The following AMDHD1 variants were observed in gnomAD, a reference collection of about 807,000 sequenced individuals.
AMDHD1 encodes the protein amidohydrolase domain containing 1, also known as probable imidazolonepropionase.
A neutral mutation model predicts 44.1 loss-of-function variants in AMDHD1; 45 were observed. The observed-to-expected ratio is 1.02, with a 90% confidence interval of 0.80 to 1.31. The LOEUF is 1.31. AMDHD1 is among the 50% of genes most tolerant of loss of function. The pLI, the probability that AMDHD1 is intolerant of heterozygous loss-of-function variation, is 0.00. For missense variants in AMDHD1, 586 were observed against 552.1 expected (o/e 1.06, Z -0.61); for synonymous variants, 206 against 205.0 (o/e 1.00, Z -0.04).
In AMDHD1 at chr12:95,956,915, GGACATCGGCATCTC is replaced by G; in HGVS notation, c.542_555del (p.Asp181GlyfsTer11). The G allele has an allele frequency of 1.2e-6, 2 of 1,612,972 alleles. No homozygotes were observed. The highest frequency in any genetic ancestry group is 8.5e-7 in the Non-Finnish European group (1 of 1,179,958). On this transcript the variant is annotated frameshift_variant, in exon 4 of 9. Transcript: ENST00000266736. LOFTEE classifies it high-confidence loss of function. Reference sequence around the variant, plus strand: ...TGATTGAGCGCGCCCGGCGGGAGCTGGACATCGGCATCTCGGCTACCTACTGCGGGGCTCATTCA... The same window carrying G: ...TGATTGAGCGCGCCCGGCGGGAGCTGGGCTACCTACTGCGGGGCTCATTCA...
chr12:95,955,101 C>A, intron 3 of AMDHD1, 126 bp downstream of exon 3: 1 of 927,138 alleles, frequency 1.1e-6, no homozygotes, highest in Non-Finnish European at 1.7e-6. Flanking sequence ...TTTTTACTTG[C>A]TTGGGTATGG....
intron 5 of AMDHD1, among the ~76,000 whole-genome samples, chr12:95,960,905 A>G (rs2080578074): frequency 1.3e-5 from 2 of 152,160 alleles, no homozygotes; most frequent in Admixed American, 6.5e-5. Context: ...TAATCCCAGC[A>G]CTTTGGGAGG....
chr12:95,966,308 T>C, intron 7 of AMDHD1, 40 bp from the exon 8 acceptor site: 2 of 1,608,690 alleles, frequency 1.2e-6, no homozygotes, highest in South Asian at 2.2e-5. Context: ...GCAGTTGCCA[T>C]ATGTCACTTT....
chr12:95,960,251 G>T lies in AMDHD1; in HGVS notation c.588-147G>T, dbSNP rs1031332895. The stretch of plus-strand genomic sequence containing the variant: ...ATGGCCCAATAGTTAAGAGCCCATA[G>T]TTGTAGCTTTGAGTCTTTCTCTACC... On this transcript the variant is annotated intron_variant, in intron 4 of 8. Coordinates refer to ENST00000266736, the MANE Select transcript of AMDHD1 (RefSeq NM_152435.3). The T allele has an allele frequency of 1.0e-4, 70 of 681,522 alleles. No individual in the cohort carries two copies. The African/African-American group carries it at 1.2e-3, about 12-fold the overall frequency. 42.2% of individuals were successfully genotyped at this position (681,522 alleles called of 1,614,324 possible). A position where few individuals can be genotyped will look rare whatever the true frequency, so the allele number is the denominator to read the frequency against.
chr12:95,967,801 T>C lies in AMDHD1; in HGVS notation c.1239T>C (p.Ile413=), dbSNP rs764416386. 1.4e-5 allele frequency: 22 copies of C among 1,601,108 alleles called. No homozygotes were observed. Among genetic ancestry groups the C allele is most frequent in the Non-Finnish European group, 1.9e-5 (22 of 1,175,336 alleles). The part of the protein sequence containing the change: ...IYQFGGHHEL[I]EYVIAKGKLI... ...AGTTCGGAGGCCATCATGAATTAATTGAATATGTTATAGCTAAAGGAAAAC... is the reference window on the plus strand; with the variant it reads ...AGTTCGGAGGCCATCATGAATTAATCGAATATGTTATAGCTAAAGGAAAAC... The change falls in exon 9 of 9, where the codon ATT becomes ATC. Residue 413 remains isoleucine, a synonymous_variant. Transcript: ENST00000266736.
At chr12:95,965,588 A>G in intron 6 of AMDHD1, 98 bp from the exon 7 acceptor site, 1 of 657,668 alleles carries the variant, frequency 1.5e-6, no homozygotes, top group Non-Finnish European at 2.6e-6. Context: ...CTTCCAGAAT[A>G]TGAAGGCGTT....
At chr12:95,945,305 A>G (rs2080490311) in intron 1 of AMDHD1, among the ~76,000 whole-genome samples, 1 of 152,218 alleles carries the variant, frequency 6.6e-6, no homozygotes. Flanking sequence ...AGTCTGCTAC[A>G]TTGTTCTCAC....
chr12:95,952,765 G>T lies in AMDHD1; in HGVS notation c.186G>T (p.Gln62His), dbSNP rs146760246. The part of the protein sequence containing the change: ...AIGPADVIQR[Q>H]FSGETFEEII... ...GTCCTGCTGATGTTATTCAAAGACA[G>T]TTTTCTGGAGAAACTTTTGAAGAAA... is the stretch of plus-strand genomic sequence containing the variant. Residue 62 changes from glutamine to histidine, a missense_variant, in exon 2 of 9, where the codon CAG becomes CAT. Coordinates refer to ENST00000266736, the MANE Select transcript of AMDHD1 (RefSeq NM_152435.3). The T allele has an allele frequency of 4.2e-5, 68 of 1,613,126 alleles. 1 individual carries two copies. The African/African-American group carries it at 7.9e-4, about 19-fold the overall frequency.
intron 2 of AMDHD1, among the ~76,000 whole-genome samples, chr12:95,953,229 C>A (rs1205287471): frequency 6.6e-6 from 1 of 152,176 alleles, no homozygotes; most frequent in Admixed American, 6.5e-5. Context: ...TTTATTAATC[C>A]ATGGCATAGG....
In AMDHD1 at chr12:95,966,507, C is replaced by T. The variant is rs151279149; in HGVS notation, c.1192C>T (p.Arg398Ter). ...QGDLIIINSS[R>*]WEHLIYQFGG... ...AGATCTCATTATCATCAATTCATCCCGGTGAGTGTGCTTCAACTTAGCTCT... is the reference window on the plus strand; with the variant it reads ...AGATCTCATTATCATCAATTCATCCTGGTGAGTGTGCTTCAACTTAGCTCT... The change falls in exon 8 of 9, where the codon CGA (arginine) becomes TGA (stop). Residue 398 changes from arginine to a stop codon, truncating the protein, a stop_gained and splice_region_variant. Transcript: ENST00000266736. LOFTEE classifies it high-confidence loss of function. The T allele has an allele frequency of 4.2e-5, 67 of 1,614,054 alleles. No homozygotes were observed. Among genetic ancestry groups the T allele is most frequent in the Admixed American group, 6.7e-5 (4 of 60,008 alleles).
chr12:95,965,469 T>C (rs2080605400), intron 6 of AMDHD1, among the ~76,000 whole-genome samples: 1 of 152,250 alleles, frequency 6.6e-6, no homozygotes, highest in South Asian at 2.1e-4. Flanking sequence ...ATTAATTAAA[T>C]GTTAGTCATA....
At chr12:95,957,075 G>A in intron 4 of AMDHD1, 113 bp downstream of exon 4, 1 of 1,441,244 alleles carries the variant, frequency 6.9e-7, no homozygotes. Context: ...GAAGTCTTTG[G>A]AAAGACCTGA....
intron 1 of AMDHD1, among the ~76,000 whole-genome samples, chr12:95,947,685 G>A (rs1367675584): frequency 6.6e-5 from 4 of 60,408 alleles, no homozygotes; most frequent in African/African-American, 2.0e-4. Flanking sequence ...GCCTCTGCCC[G>A]GCCAGCCACC....
chr12:95,960,607 C>T lies in AMDHD1; in HGVS notation c.797C>T (p.Pro266Leu), dbSNP rs565909257. 6.2e-6 allele frequency: 10 copies of T among 1,614,060 alleles called. No homozygotes were observed. Among genetic ancestry groups the T allele is most frequent in the East Asian group, 4.5e-5 (2 of 44,886 alleles). Residue 266 changes from proline (P) to leucine (L), a missense_variant, in exon 5 of 9, where the codon CCG becomes CTG. Physicochemically the swap from Pro to Leu is moderately conservative, Grantham distance 98 (BLOSUM62 -3). Coordinates refer to ENST00000266736, the MANE Select transcript of AMDHD1 (RefSeq NM_152435.3). The stretch of plus-strand genomic sequence containing the variant: ...AACTTCCATGGGGATGAACTCCACC[C>T]GATGAAGGCTGCTGAGGTGTGGTTG... Reference protein sequence around the residue: ...QINFHGDELHPMKAAELGAEL... With the variant: ...QINFHGDELHLMKAAELGAEL...
intron 6 of AMDHD1, among the ~76,000 whole-genome samples, chr12:95,962,701 T>C (rs183245310): frequency 6.6e-6 from 1 of 152,376 alleles, no homozygotes; most frequent in East Asian, 1.9e-4. Flanking sequence ...GGCAGGATTA[T>C]TGAGGAAGAT....
rs147201087 is a variant in AMDHD1 at position 95,953,115 on chromosome 12, C to A, written c.244+292C>A. On this transcript the variant is annotated intron_variant, in intron 2 of 8. Transcript: ENST00000266736. ...CCAAGGTTCCTAAACAGGAAACAGACAACCTAGGAATCAAGCCCATTCATT... is the reference window on the plus strand; with the variant it reads ...CCAAGGTTCCTAAACAGGAAACAGAAAACCTAGGAATCAAGCCCATTCATT... Among the ~76,000 whole-genome samples the A allele has an allele frequency of 2.6e-4, 39 of 152,238 alleles. 1 individual carries two copies. In the East Asian group the frequency reaches 7.1e-3, roughly 28 times the overall value.
chr12:95,952,759 A>AGC lies in AMDHD1; in HGVS notation c.180_181insGC (p.Arg61AlafsTer12). 6.2e-7 allele frequency: 1 copy of AGC among 1,613,120 alleles called. No individual in the cohort carries two copies. The highest frequency in any genetic ancestry group is 8.5e-7 in the Non-Finnish European group (1 of 1,179,300). On this transcript the variant is annotated frameshift_variant, in exon 2 of 9. Transcript: ENST00000266736. LOFTEE classifies it high-confidence loss of function. ...CTATTGGTCCTGCTGATGTTATTCA[A>AGC]AGACAGTTTTCTGGAGAAACTTTTG...
At chr12:95,962,281 A>C in intron 5 of AMDHD1, 74 bp from the exon 6 acceptor site, 1 of 1,554,140 alleles carries the variant, frequency 6.4e-7, no homozygotes, top group Non-Finnish European at 8.7e-7. Context: ...AAACAAACAA[A>C]GCAATTTAAT....
chr12:95,965,159 C>T (rs935989178), intron 6 of AMDHD1, among the ~76,000 whole-genome samples: 4 of 151,638 alleles, frequency 2.6e-5, no homozygotes, highest in Non-Finnish European at 5.9e-5. Flanking sequence ...ATTACCTGGG[C>T]GTGGTGGTGG....
Sources: allele counts gnomAD v4.1 joint callset (sites outside exome capture counted in the v4.1 genomes callset), GRCh38; gene constraint gnomAD v4.1.1; transcripts MANE v1.5; gene names NCBI Gene and HGNC (gene_info 2026-07-23, HGNC 2026-07-21).